Variants in MAD1L1 observed in about 807,000 individuals in gnomAD.
The protein encoded by MAD1L1 is mitotic spindle assembly checkpoint protein MAD1.
In MAD1L1, 95 loss-of-function variants were observed where a neutral mutation model predicts 96.9. That is an observed-to-expected ratio of 0.98 (90% CI 0.83 to 1.16). The LOEUF (loss-of-function observed/expected upper bound fraction) is 1.16. MAD1L1 is among the 50% of genes most tolerant of loss of function. The probability of loss-of-function intolerance (pLI) is 0.00; values close to 1 mark genes in which losing one functional copy is unlikely to be tolerated. For synonymous variants in MAD1L1, 473 were observed against 396.6 expected (o/e 1.19, Z -2.29); for missense variants, 1,007 against 954.4 (o/e 1.06, Z -0.73).
chr7:2,081,556 G>C (rs192727994), intron 11 of MAD1L1, among the ~76,000 whole-genome samples: 7 of 152,206 alleles, frequency 4.6e-5, no homozygotes, highest in East Asian at 1.9e-4. Context: ...CAGGAGGCGG[G>C]GGGCGCTCCC....
At chr7:1,999,555 G>A (rs1297691976) in intron 14 of MAD1L1, among the ~76,000 whole-genome samples, 3 of 152,130 alleles carry the variant, frequency 2.0e-5, no homozygotes, top group African/African-American at 4.8e-5. Flanking sequence ...GCGGGACTGC[G>A]GGGACCCTCA....
In MAD1L1 at chr7:2,159,656, A is replaced by T. The variant is rs79274522; in HGVS notation, c.987-10418T>A. On this transcript the variant is annotated intron_variant, in intron 10 of 18. Coordinates refer to ENST00000265854, the MANE Select transcript of MAD1L1 (RefSeq NM_001013836.2). ...GAGAATGAGCAAAAAAAATCATATCATTCCAGAACAGTAACTATCCGACTA... is the reference window on the plus strand; with the variant it reads ...GAGAATGAGCAAAAAAAATCATATCTTTCCAGAACAGTAACTATCCGACTA... Among the ~76,000 whole-genome samples, 1,375 of 152,358 alleles carry T rather than the reference A, an allele frequency of 9.0e-3. 21 individuals carry two copies. Among genetic ancestry groups the T allele is most frequent in the African/African-American group, 0.031 (1,287 of 41,584 alleles).
chr7:2,101,688 C>T (rs887162638), intron 11 of MAD1L1, among the ~76,000 whole-genome samples: 5 of 152,210 alleles, frequency 3.3e-5, no homozygotes, highest in African/African-American at 7.2e-5. Context: ...AACAAAGACG[C>T]TTCTTCCCTC....
In MAD1L1 at chr7:2,146,859, C is replaced by T. The variant is rs924400751; in HGVS notation, c.1073+2293G>A. Among the ~76,000 whole-genome samples, 3 of 152,170 alleles carry T rather than the reference C, an allele frequency of 2.0e-5. No individual in the cohort carries two copies. Among genetic ancestry groups the T allele is most frequent in the Non-Finnish European group, 2.9e-5 (2 of 68,024 alleles). On this transcript the variant is annotated intron_variant, in intron 11 of 18. Coordinates refer to ENST00000265854, the MANE Select transcript of MAD1L1 (RefSeq NM_001013836.2). The surrounding 1 kb of genome is among the most constrained non-coding windows in gnomAD (Gnocchi z 6.2). ...GCTCCCTGACCCCGCCACGGCAGGCCGCGACGAACACGGTGTCCCGCCACG... is the reference window on the plus strand; with the variant it reads ...GCTCCCTGACCCCGCCACGGCAGGCTGCGACGAACACGGTGTCCCGCCACG...
rs994437545 is a variant in MAD1L1, at chr7:2,088,977, C to G, written c.1074-19639G>C. The G allele has an allele frequency of 6.6e-6, 1 of 152,270 alleles. No individual in the cohort carries two copies. Among genetic ancestry groups the G allele is most frequent in the African/African-American group, 2.4e-5 (1 of 41,450 alleles). 9.4% of individuals were successfully genotyped at this position (152,270 alleles called of 1,614,324 possible). On this transcript the variant is annotated intron_variant, in intron 11 of 18. Transcript: ENST00000265854. This position sits in a 1 kb window ranked among gnomAD's most constrained non-coding sequence, Gnocchi z 4.4. Reference sequence around the variant, plus strand: ...CGCCTCACCCGGTGGCTGCCATGAGCCAGGACAGGCTATTCATTCTGCCCC... The same window carrying G: ...CGCCTCACCCGGTGGCTGCCATGAGGCAGGACAGGCTATTCATTCTGCCCC...
chr7:2,068,024 C>T (rs548118927), intron 12 of MAD1L1, among the ~76,000 whole-genome samples: 2 of 152,368 alleles, frequency 1.3e-5, no homozygotes, highest in South Asian at 2.1e-4. Context: ...AGAGGAAGGT[C>T]GAGAGCTTGC....
intron 10 of MAD1L1, among the ~76,000 whole-genome samples, chr7:2,150,532 G>A (rs1215473379): frequency 6.6e-6 from 1 of 152,130 alleles, no homozygotes; most frequent in East Asian, 1.9e-4. Flanking sequence ...CCAAACAGAG[G>A]AAGGGCCACT....
intron 16 of MAD1L1, among the ~76,000 whole-genome samples, chr7:1,950,304 C>T (rs991432066): frequency 2.9e-5 from 4 of 139,320 alleles, no homozygotes; most frequent in African/African-American, 9.7e-5. Flanking sequence ...GGCACACTCA[C>T]ACCATCCGTC....
chr7:1,962,222 T>C (rs1429121163), intron 15 of MAD1L1, among the ~76,000 whole-genome samples: 1 of 152,260 alleles, frequency 6.6e-6, no homozygotes. Flanking sequence ...TCACAAGATC[T>C]GATTTTATAA....
intron 18 of MAD1L1, among the ~76,000 whole-genome samples, chr7:1,895,532 A>G (rs1257987704): frequency 6.6e-6 from 1 of 152,236 alleles, no homozygotes; most frequent in Non-Finnish European, 1.5e-5. Flanking sequence ...TGATCCTGTG[A>G]GCTTCAAGCA....
intron 3 of MAD1L1, 93 bp from the exon 4 acceptor site, chr7:2,225,643 C>A: frequency 7.3e-7 from 1 of 1,365,290 alleles, no homozygotes; most frequent in Non-Finnish European, 1.0e-6. Flanking sequence ...TCCCTGAGGA[C>A]CCATTCCCGC....
At position 2,103,409 on chromosome 7, in the gene MAD1L1, G is replaced by A. The variant is rs148921929; in HGVS notation, c.1074-34071C>T. Reference sequence around the variant, plus strand: ...CGCCATGCCTAGTGATGACGTTTCTGTTTGGAAGAAGTGGGTGAGCACCTG... The same window carrying A: ...CGCCATGCCTAGTGATGACGTTTCTATTTGGAAGAAGTGGGTGAGCACCTG... On this transcript the variant is annotated intron_variant, in intron 11 of 18. Transcript: ENST00000265854. The surrounding 1 kb of genome is among the most constrained non-coding windows in gnomAD (Gnocchi z 4.3). 2.2e-3 allele frequency among the ~76,000 whole-genome samples: 333 copies of A among 152,294 alleles called. 2 individuals are homozygous for A. The highest frequency in any genetic ancestry group is 7.6e-3 in the African/African-American group (316 of 41,574).
At chr7:2,017,762 C>T (rs1206953236) in intron 12 of MAD1L1, among the ~76,000 whole-genome samples, 1 of 152,210 alleles carries the variant, frequency 6.6e-6, no homozygotes, top group Non-Finnish European at 1.5e-5. Flanking sequence ...AAGCCCCAAG[C>T]ATGCCGATGA....
intron 7 of MAD1L1, 66 bp downstream of exon 7, chr7:2,217,896 G>T: frequency 1.5e-6 from 2 of 1,378,994 alleles, no homozygotes; most frequent in South Asian, 1.2e-5. Flanking sequence ...CAGAAAGGCC[G>T]ACAGGGGCAG....
At chr7:2,206,637 T>G (rs993856053) in intron 10 of MAD1L1, among the ~76,000 whole-genome samples, 5 of 152,264 alleles carry the variant, frequency 3.3e-5, no homozygotes, top group Admixed American at 2.0e-4. Context: ...GTTCTCCTGA[T>G]TTACATGTCT....
chr7:2,093,072 C>CAA (rs200308243), intron 11 of MAD1L1, among the ~76,000 whole-genome samples: 3,960 of 141,292 alleles, frequency 0.028, 89 homozygotes, highest in South Asian at 0.09. Context: ...CCCGTCTCTA[C>CAA]AAAAAAAAAA....
chr7:2,166,771 C>T (rs1412486478), intron 10 of MAD1L1, among the ~76,000 whole-genome samples: 3 of 152,154 alleles, frequency 2.0e-5, no homozygotes, highest in Non-Finnish European at 2.9e-5. Flanking sequence ...ATGACCTGGG[C>T]GGAACCACGC....
At chr7:1,952,913 T>G (rs1028405608) in intron 16 of MAD1L1, among the ~76,000 whole-genome samples, 2 of 152,060 alleles carry the variant, frequency 1.3e-5, no homozygotes, top group Non-Finnish European at 2.9e-5. Flanking sequence ...CCTGAGGAGG[T>G]TGGCTCAGAG....
intron 15 of MAD1L1, among the ~76,000 whole-genome samples, chr7:1,965,323 C>T (rs927461520): frequency 6.6e-5 from 10 of 152,212 alleles, no homozygotes; most frequent in African/African-American, 2.4e-4. Flanking sequence ...GTGACAAAGC[C>T]GCGCAGACAT....
Sources: gnomAD v4.1 joint callset for allele counts (sites outside exome capture counted in the v4.1 genomes callset) on GRCh38, gnomAD v4.1.1 for gene constraint, Gnocchi (gnomAD v3.1) non-coding constraint, MANE v1.5 for transcripts, NCBI Gene and HGNC (gene_info 2026-07-23, HGNC 2026-07-21) for gene names.